Variants in PPM1E observed in about 807,000 individuals in gnomAD.
The protein encoded by PPM1E is protein phosphatase 1E.
Under a neutral mutation model 65.9 loss-of-function variants are expected in PPM1E, and 20 were observed. The observed-to-expected ratio is 0.30, with a 90% CI of 0.21 to 0.44. The LOEUF (loss-of-function observed/expected upper bound fraction) is 0.44. Ranked by LOEUF, PPM1E falls within the 20% of genes least tolerant of loss-of-function variation. The pLI is 1.00. For missense variants in PPM1E, 713 were observed against 953.1 expected, an observed-to-expected ratio of 0.75 and a Z score of 3.32; for synonymous variants, 352 against 374.9, an observed-to-expected ratio of 0.94 and a Z score of 0.70.
At chr17:58,762,135 G>T (rs1355319486) in intron 1 of PPM1E, among the ~76,000 whole-genome samples, 1 of 152,160 alleles carries the variant, frequency 6.6e-6, no homozygotes, top group African/African-American at 2.4e-5. Flanking sequence ...TGAGTAAATA[G>T]ATTTATGGAT....
At position 58,983,795 on chromosome 17, in the gene PPM1E, T is replaced by C. The variant is rs1023330457; in HGVS notation, c.*2764T>C. On this transcript the variant is annotated 3_prime_UTR_variant, in exon 7 of 7. Coordinates refer to ENST00000308249, the MANE Select transcript of PPM1E (RefSeq NM_014906.5). ...TTTAACATGGTCTGCATCAATCTGTTTGCCTGCTAAACAAGTTAGAATAGG... is the reference window on the plus strand; with the variant it reads ...TTTAACATGGTCTGCATCAATCTGTCTGCCTGCTAAACAAGTTAGAATAGG... The C allele has an allele frequency of 1.3e-5, 2 of 152,646 alleles. No individual in the cohort carries two copies. Among genetic ancestry groups the C allele is most frequent in the African/African-American group, 4.8e-5 (2 of 41,462 alleles). 9.5% of individuals were successfully genotyped at this position (152,646 alleles called of 1,614,324 possible). A position where few individuals can be genotyped will look rare whatever the true frequency, so the allele number is the denominator to read the frequency against.
intron 1 of PPM1E, among the ~76,000 whole-genome samples, chr17:58,809,326 C>T (rs1039725957): frequency 2.0e-5 from 3 of 152,094 alleles, no homozygotes; most frequent in East Asian, 1.9e-4. Flanking sequence ...TGGCCTCAAG[C>T]GATCCTCCCA....
chr17:58,842,227 A>G (rs1679799275), intron 1 of PPM1E, among the ~76,000 whole-genome samples: 3 of 152,212 alleles, frequency 2.0e-5, no homozygotes, highest in African/African-American at 4.8e-5. Context: ...TCAAAAAGAG[A>G]AAGTCTGAGA....
intron 1 of PPM1E, among the ~76,000 whole-genome samples, chr17:58,936,430 C>A (rs1169132666): frequency 6.6e-6 from 1 of 152,128 alleles, no homozygotes; most frequent in East Asian, 1.9e-4. Flanking sequence ...CTGCTCCAGA[C>A]GAGTCTCTCT....
chr17:58,842,820 C>A (rs947334218), intron 1 of PPM1E, among the ~76,000 whole-genome samples: 15 of 152,226 alleles, frequency 9.9e-5, no homozygotes, highest in African/African-American at 3.6e-4. Context: ...CACCTGTAAT[C>A]CCAGCTACTC....
intron 1 of PPM1E, among the ~76,000 whole-genome samples, chr17:58,799,485 C>T (rs984567132): frequency 1.3e-5 from 2 of 152,146 alleles, no homozygotes; most frequent in Non-Finnish European, 1.5e-5. Flanking sequence ...CTCTGTCACC[C>T]AGGCTGGAGT....
At chr17:58,804,273 T>G (rs1045408784) in intron 1 of PPM1E, among the ~76,000 whole-genome samples, 2 of 152,222 alleles carry the variant, frequency 1.3e-5, no homozygotes, top group Non-Finnish European at 2.9e-5. Context: ...ATTTAAAATT[T>G]TAAAGTGATT....
intron 1 of PPM1E, among the ~76,000 whole-genome samples, chr17:58,761,347 C>T (rs1283303922): frequency 6.6e-6 from 1 of 152,128 alleles, no homozygotes; most frequent in Non-Finnish European, 1.5e-5. Flanking sequence ...AACATCTGGA[C>T]CTCTCTTTGG....
At chr17:58,900,633 A>AAT (rs1268684319) in intron 1 of PPM1E, among the ~76,000 whole-genome samples, 16 of 152,280 alleles carry the variant, frequency 1.1e-4, no homozygotes, top group African/African-American at 7.2e-5. Flanking sequence ...GCAATAAAGC[A>AAT]ATATTTGCTT....
rs2031681140 is a variant in PPM1E, at chr17:58,985,164, G to A, written c.*4133G>A. 1 of 152,456 alleles carries A rather than the reference G, an allele frequency of 6.6e-6. No homozygotes were observed. Among genetic ancestry groups the A allele is most frequent in the Non-Finnish European group, 1.5e-5 (1 of 68,016 alleles). The allele number at this position is 152,456 out of a possible 1,614,324, so 9.4% of individuals were successfully genotyped here. On this transcript the variant is annotated 3_prime_UTR_variant, in exon 7 of 7. Coordinates refer to ENST00000308249, the MANE Select transcript of PPM1E (RefSeq NM_014906.5). ...TTTGCCAATTATCTTAATAAAACCT[G>A]GCAATTTAAAAACCACTAGTCATTT...
chr17:58,936,120 G>C (rs980572080), intron 1 of PPM1E, among the ~76,000 whole-genome samples: 12 of 152,056 alleles, frequency 7.9e-5, no homozygotes, highest in African/African-American at 2.7e-4. Context: ...AATCGGTGGT[G>C]TGTGGGCATT....
chr17:58,829,343 G>A (rs960121057), intron 1 of PPM1E, among the ~76,000 whole-genome samples: 3 of 152,068 alleles, frequency 2.0e-5, no homozygotes, highest in African/African-American at 7.2e-5. Context: ...TGCCTGGCCC[G>A]TGTTTACGTT....
Position 58,965,766 on chromosome 17 carries a change from A to C in PPM1E, c.656A>C (p.Asp219Ala). 1 of 1,614,092 alleles carries C rather than the reference A, an allele frequency of 6.2e-7. No individual in the cohort carries two copies. Among genetic ancestry groups the C allele is most frequent in the Non-Finnish European group, 8.5e-7 (1 of 1,180,002 alleles). ...LHEICCSWVK[D>A]FPLRRRPQLY... Reference sequence around the variant, plus strand: ...GAGATTTGCTGCAGCTGGGTGAAAGACTTCCCCCTCCGCAGGAGACCCCAG... The same window carrying C: ...GAGATTTGCTGCAGCTGGGTGAAAGCCTTCCCCCTCCGCAGGAGACCCCAG... The change falls in exon 3 of 7, where the codon GAC becomes GCC. Residue 219 changes from aspartate to alanine, a missense_variant. This residue lies in a region of PPM1E where 84 missense variants were observed against 113.9 expected (regional missense o/e 0.74). Transcript: ENST00000308249.
At chr17:58,782,522 C>T (rs767536820) in intron 1 of PPM1E, among the ~76,000 whole-genome samples, 7 of 151,622 alleles carry the variant, frequency 4.6e-5, no homozygotes, top group Non-Finnish European at 1.0e-4. Flanking sequence ...CTGCCTCAGC[C>T]TCCCAAGTAG....
At chr17:58,765,123 A>G (rs1198326889) in intron 1 of PPM1E, among the ~76,000 whole-genome samples, 2 of 150,596 alleles carry the variant, frequency 1.3e-5, no homozygotes, top group African/African-American at 4.9e-5. Flanking sequence ...AAACGTTTGC[A>G]ATTCTTATTA....
chr17:58,761,853 C>T (rs1598554151), intron 1 of PPM1E, among the ~76,000 whole-genome samples: 2 of 152,302 alleles, frequency 1.3e-5, no homozygotes, highest in East Asian at 3.9e-4. Context: ...CAGAGGTCTC[C>T]AAAGTCAATT....
chr17:58,894,569 T>C (rs1173137125), intron 1 of PPM1E, among the ~76,000 whole-genome samples: 1 of 152,114 alleles, frequency 6.6e-6, no homozygotes, highest in Non-Finnish European at 1.5e-5. Context: ...TTCTTAGTAT[T>C]ATTATGAAAA....
rs778959735 is a variant in PPM1E, at chr17:58,981,264, G to C, written c.*233G>C. The C allele has an allele frequency of 2.1e-6, 1 of 466,080 alleles. No homozygotes were observed. Among genetic ancestry groups the C allele is most frequent in the Admixed American group, 3.9e-5 (1 of 25,568 alleles). 28.9% of individuals were successfully genotyped at this position (466,080 alleles called of 1,614,324 possible). A position where few individuals can be genotyped will look rare whatever the true frequency, so the allele number is the denominator to read the frequency against. ...ACAGCTGGTCCCTGTGATGTGTCTC[G>C]ACACCAATACACAACCCCCTTCCCA... On this transcript the variant is annotated 3_prime_UTR_variant, in exon 7 of 7. Coordinates refer to ENST00000308249, the MANE Select transcript of PPM1E (RefSeq NM_014906.5).
intron 4 of PPM1E, 105 bp from the exon 5 acceptor site, chr17:58,972,027 A>C: frequency 4.7e-6 from 5 of 1,063,186 alleles, no homozygotes; most frequent in Non-Finnish European, 6.7e-6. Context: ...TCCATTATTA[A>C]TAGTATAGCT....
Sources: gnomAD v4.1 joint callset for allele counts (sites outside exome capture counted in the v4.1 genomes callset) on GRCh38, gnomAD v4.1.1 for gene constraint, gnomAD v4.1.1 regional missense constraint, MANE v1.5 for transcripts, NCBI Gene and HGNC (gene_info 2026-07-23, HGNC 2026-07-21) for gene names.